The following LAMA3 variants were observed in gnomAD, a reference collection of about 807,000 sequenced individuals.
The protein encoded by LAMA3 is laminin subunit alpha-3.
In LAMA3, 281 loss-of-function variants were observed where a neutral mutation model predicts 402.0. The ratio of observed to expected loss-of-function variants is 0.70; its 90% CI spans 0.63 to 0.77. The LOEUF (loss-of-function observed/expected upper bound fraction) is 0.77. LAMA3 is among the 30% of genes least tolerant of loss of function. The pLI, the probability that LAMA3 is intolerant of heterozygous loss-of-function variation, is 0.00. For synonymous variants in LAMA3, 1,431 were observed against 1,558.4 expected (o/e 0.92, Z 1.93); for missense variants, 3,840 against 4,215.5 (o/e 0.91, Z 2.47).
intron 38 of LAMA3, among the ~76,000 whole-genome samples, chr18:23,874,582 T>C (rs1200441300): frequency 1.3e-5 from 2 of 152,216 alleles, no homozygotes; most frequent in African/African-American, 4.8e-5. Flanking sequence ...ACCTGGGAGA[T>C]TCCACTCCCG....
intron 5 of LAMA3, among the ~76,000 whole-genome samples, chr18:23,752,811 C>CAAA (rs1367939594): frequency 2.6e-5 from 4 of 152,104 alleles, no homozygotes; most frequent in Non-Finnish European, 4.4e-5. Flanking sequence ...CAGCCACACT[C>CAAA]AACAACAACA....
intron 39 of LAMA3, among the ~76,000 whole-genome samples, chr18:23,881,595 TAGTAA>T (rs1324691924): frequency 6.6e-6 from 1 of 152,214 alleles, no homozygotes; most frequent in African/African-American, 2.4e-5. Context: ...AATCATACAC[TAGTAA>T]AATTGATATA....
intron 17 of LAMA3, among the ~76,000 whole-genome samples, chr18:23,815,992 G>C (rs1000990331): frequency 2.0e-5 from 3 of 152,132 alleles, no homozygotes; most frequent in Non-Finnish European, 4.4e-5. Context: ...TCGGCCCCTG[G>C]TTATCACATG....
At chr18:23,787,136 G>A (rs1049613594) in intron 12 of LAMA3, among the ~76,000 whole-genome samples, 2 of 152,130 alleles carry the variant, frequency 1.3e-5, no homozygotes, top group Non-Finnish European at 2.9e-5. Flanking sequence ...ACAAAAATTA[G>A]CCAGGCATGG....
chr18:23,758,347 CT>C lies in LAMA3; in HGVS notation c.948-48del, dbSNP rs749792630. 3 of 1,405,698 alleles carry C rather than the reference CT, an allele frequency of 2.1e-6. No individual in the cohort carries two copies. In the South Asian group the frequency reaches 3.6e-5, roughly 17 times the overall value. The allele number at this position is 1,405,698 out of a possible 1,614,324, so 87.1% of individuals were successfully genotyped here. On this transcript the variant is annotated intron_variant, in intron 6 of 74. Transcript: ENST00000313654. ...GTTCGCACTATAGGATCAACTGATC[CT>C]CATCAAAACTTTTCAATAACTGAGA...
At chr18:23,714,543 C>T (rs1479532667) in intron 2 of LAMA3, among the ~76,000 whole-genome samples, 13 of 152,060 alleles carry the variant, frequency 8.5e-5, no homozygotes, top group Admixed American at 3.9e-4. Flanking sequence ...AAACAAAGCC[C>T]GGAACAGTGC....
At chr18:23,840,104 A>T (rs2063665634) in intron 27 of LAMA3, among the ~76,000 whole-genome samples, 175 bp downstream of exon 27, 1 of 152,182 alleles carries the variant, frequency 6.6e-6, no homozygotes, top group South Asian at 2.1e-4. Flanking sequence ...CCTCCAGGTG[A>T]TTCTGATGCC....
At chr18:23,826,678 C>G in intron 21 of LAMA3, 24 bp from the exon 22 acceptor site, 1 of 1,444,268 alleles carries the variant, frequency 6.9e-7, no homozygotes. Flanking sequence ...ATGAATGATT[C>G]TCCTTTTGGT....
chr18:23,752,449 A>G (rs1008631408), intron 5 of LAMA3, among the ~76,000 whole-genome samples: 1 of 152,200 alleles, frequency 6.6e-6, no homozygotes, highest in Non-Finnish European at 1.5e-5. Flanking sequence ...CACACATAAT[A>G]CATAATCTTA....
At chr18:23,720,804 G>A (rs2061197449) in intron 2 of LAMA3, among the ~76,000 whole-genome samples, 1 of 152,136 alleles carries the variant, frequency 6.6e-6, no homozygotes, top group African/African-American at 2.4e-5. Context: ...AATTTGGGGT[G>A]CTTTGAAGTA....
Position 23,775,811 on chromosome 18 carries a change from G to A in LAMA3, c.1293G>A (p.Glu431=), listed in dbSNP as rs372586848. Residue 431 remains glutamate (E), a synonymous_variant, in exon 10 of 75, where the codon GAG becomes GAA. Coordinates refer to ENST00000313654, the MANE Select transcript of LAMA3 (RefSeq NM_198129.4). ...DGCIPCSCDP[E]HADGCEQGSG... is the part of the protein sequence containing the mutation. ...TCTTAGCCTGCAGCTGTGACCCTGA[G>A]CATGCGGATGGCTGTGAACAGGGTT... is the stretch of plus-strand genomic sequence containing the variant. 4 of 1,613,892 alleles carry A rather than the reference G, an allele frequency of 2.5e-6. No homozygotes were observed. The highest frequency in any genetic ancestry group is 2.7e-5 in the African/African-American group (2 of 74,936).
At position 23,901,229 on chromosome 18, in the gene LAMA3, G is replaced by T. The variant is rs755904212; in HGVS notation, c.6107G>T (p.Ser2036Ile). 6.2e-7 allele frequency: 1 copy of T among 1,614,172 alleles called. No homozygotes were observed. The highest frequency in any genetic ancestry group is 1.1e-5 in the South Asian group (1 of 91,088). The change falls in exon 48 of 75, where the codon AGT becomes ATT. Residue 2036 changes from serine (S) to isoleucine (I), a missense_variant. Physicochemically the swap from Ser to Ile is moderately radical, Grantham distance 142 (BLOSUM62 -2). Coordinates refer to ENST00000313654, the MANE Select transcript of LAMA3 (RefSeq NM_198129.4). ...DSLNEYEAKL[S>I]DLRARLQEAA... ...TTAAATGAATACGAAGCCAAACTCAGTGACCTTCGTGCTCGGCTGCAGGAG... is the reference window on the plus strand; with the variant it reads ...TTAAATGAATACGAAGCCAAACTCATTGACCTTCGTGCTCGGCTGCAGGAG...
At chr18:23,816,274 AG>A (rs2063173696) in intron 17 of LAMA3, 113 bp from the exon 18 acceptor site, 1 of 782,722 alleles carries the variant, frequency 1.3e-6, no homozygotes, top group Admixed American at 2.0e-5. Context: ...GGCAGAGGAA[AG>A]AAGGCAGGCA....
rs150635964 is a variant in LAMA3 at position 23,823,244 on chromosome 18, T to G, written c.2428+869T>G. ...ACCCATTGCCTCACATCATAAGAAC[T>G]TGGCAAACTGAGGAGAGTTGAAGAG... On this transcript the variant is annotated intron_variant, in intron 20 of 74. Coordinates refer to ENST00000313654, the MANE Select transcript of LAMA3 (RefSeq NM_198129.4). 3.3e-3 allele frequency among the ~76,000 whole-genome samples: 504 copies of G among 152,202 alleles called. 6 individuals carry two copies. Among genetic ancestry groups the G allele is most frequent in the African/African-American group, 0.012 (484 of 41,526 alleles).
chr18:23,907,711 T>G, intron 53 of LAMA3, 45 bp downstream of exon 53: 3 of 1,613,426 alleles, frequency 1.9e-6, no homozygotes, highest in Non-Finnish European at 2.5e-6. Flanking sequence ...CTTCTTTTGT[T>G]GAACGTTTTA....
chr18:23,863,079 A>G (rs2064265162), intron 35 of LAMA3, among the ~76,000 whole-genome samples: 1 of 152,158 alleles, frequency 6.6e-6, no homozygotes, highest in South Asian at 2.1e-4. Context: ...TTTGTAACCT[A>G]ATTTCAGAAC....
In LAMA3 at chr18:23,847,516, C is replaced by A; in HGVS notation, c.3984C>A (p.Cys1328Ter). The change falls in exon 32 of 75, where the codon TGC (cysteine) becomes TGA (stop). Residue 1328 changes from cysteine to a stop codon, truncating the protein, a stop_gained. Transcript: ENST00000313654. LOFTEE classifies it high-confidence loss of function. ...AAGAGATGACGGGGCAGTGCCGCTG[C>A]CCTCCCCGCACGGTCAGGCCCCAGT... ...LCEEMTGQCR[C>*]PPRTVRPQCE... 1.9e-6 allele frequency: 3 copies of A among 1,613,950 alleles called. No homozygotes were observed. Among genetic ancestry groups the A allele is most frequent in the Non-Finnish European group, 2.5e-6 (3 of 1,180,044 alleles).
chr18:23,913,269 G>T (rs988229278), intron 56 of LAMA3, among the ~76,000 whole-genome samples: 15 of 152,160 alleles, frequency 9.9e-5, no homozygotes, highest in Admixed American at 4.6e-4. Flanking sequence ...ACAGAATTGT[G>T]ACCTTGTCCT....
intron 68 of LAMA3, among the ~76,000 whole-genome samples, chr18:23,939,749 C>A (rs2145466555): frequency 6.6e-6 from 1 of 152,266 alleles, no homozygotes; most frequent in Non-Finnish European, 1.5e-5. Context: ...AAAGTAAAAT[C>A]ATTCTTTTTT....
Sources: allele counts gnomAD v4.1 joint callset (sites outside exome capture counted in the v4.1 genomes callset), GRCh38; gene constraint gnomAD v4.1.1; transcripts MANE v1.5; gene names NCBI Gene and HGNC (gene_info 2026-07-23, HGNC 2026-07-21).